GABRB1: variants seen among roughly 807,000 people sequenced by gnomAD.
GABRB1 encodes gamma-aminobutyric acid type A receptor subunit beta1.
Under a neutral mutation model 51.6 loss-of-function variants are expected in GABRB1, and 17 were observed. That is an observed-to-expected ratio of 0.33 (90% confidence interval 0.23 to 0.49). GABRB1 has a LOEUF of 0.49. Ranked by LOEUF, GABRB1 falls within the 20% of genes least tolerant of loss-of-function variation. The probability of loss-of-function intolerance (pLI) is 0.99; values close to 1 mark genes in which losing one functional copy is unlikely to be tolerated. For missense variants in GABRB1, 410 were observed against 600.6 expected, an observed-to-expected ratio of 0.68 and a Z score of 3.32; for synonymous variants, 247 against 218.9, an observed-to-expected ratio of 1.13 and a Z score of -1.14.
chr4:47,296,609 CA>C (rs1429026740), intron 4 of GABRB1, among the ~76,000 whole-genome samples: 1 of 152,322 alleles, frequency 6.6e-6, no homozygotes, highest in Non-Finnish European at 1.5e-5. Flanking sequence ...ATTCATAAAG[CA>C]AGTCCTTAGA....
intron 3 of GABRB1, among the ~76,000 whole-genome samples, chr4:47,042,230 T>C (rs1162147480): frequency 1.3e-5 from 2 of 151,336 alleles, no homozygotes; most frequent in Admixed American, 1.3e-4. Context: ...AAATTAATAG[T>C]TTCTTTATCA....
chr4:47,039,752 C>T (rs2109485071), intron 3 of GABRB1, among the ~76,000 whole-genome samples: 1 of 152,250 alleles, frequency 6.6e-6, no homozygotes, highest in South Asian at 2.1e-4. Context: ...GGCATATGCA[C>T]TGGGAGGTGT....
At chr4:47,055,104 A>G (rs535463303) in intron 3 of GABRB1, among the ~76,000 whole-genome samples, 1 of 152,340 alleles carries the variant, frequency 6.6e-6, no homozygotes, top group South Asian at 2.1e-4. Flanking sequence ...TTCAGTTTCT[A>G]AAACTCATAA....
chr4:47,043,809 C>T (rs1172375829), intron 3 of GABRB1, among the ~76,000 whole-genome samples: 1 of 152,050 alleles, frequency 6.6e-6, no homozygotes, highest in East Asian at 1.9e-4. Flanking sequence ...ATTATTAGAA[C>T]TTGATGTATT....
chr4:47,079,114 A>G (rs1468660555), intron 3 of GABRB1, among the ~76,000 whole-genome samples: 1 of 152,168 alleles, frequency 6.6e-6, no homozygotes, highest in Non-Finnish European at 1.5e-5. Context: ...TATCAGGATG[A>G]TGCTGGCCTC....
chr4:47,165,942 C>A (rs1489910038), intron 4 of GABRB1, among the ~76,000 whole-genome samples: 1 of 152,078 alleles, frequency 6.6e-6, no homozygotes, highest in Non-Finnish European at 1.5e-5. Context: ...GAGACTTAAT[C>A]TGTTGCTTCA....
At chr4:47,142,714 G>A (rs1288240668) in intron 3 of GABRB1, among the ~76,000 whole-genome samples, 1 of 151,760 alleles carries the variant, frequency 6.6e-6, no homozygotes, top group Non-Finnish European at 1.5e-5. Flanking sequence ...ATTGAATTTA[G>A]AAGTAATAAA....
Position 47,056,328 on chromosome 4 carries a change from G to A in GABRB1, c.240+23844G>A, listed in dbSNP as rs76504217. ...CCACCCTCTCCGACCCAGCTTAGAA[G>A]GCATTTGTTCAATATCACTGCTTTT... On this transcript the variant is annotated intron_variant, in intron 3 of 8. Transcript: ENST00000295454. Among the ~76,000 whole-genome samples, 149 of 152,218 alleles carry A rather than the reference G, an allele frequency of 9.8e-4. 1 individual carries two copies. The East Asian group carries it at 0.011, about 11-fold the overall frequency.
At chr4:47,354,661 A>G (rs1726483848) in intron 5 of GABRB1, among the ~76,000 whole-genome samples, 1 of 152,062 alleles carries the variant, frequency 6.6e-6, no homozygotes, top group Non-Finnish European at 1.5e-5. Flanking sequence ...ATTAAGGTGG[A>G]TCCTTCCCCC....
chr4:47,353,790 G>C (rs1726451503), intron 5 of GABRB1, among the ~76,000 whole-genome samples: 1 of 152,102 alleles, frequency 6.6e-6, no homozygotes, highest in Non-Finnish European at 1.5e-5. Flanking sequence ...ATAACCAGTA[G>C]TAACCGAGTT....
At chr4:46,998,916 A>G (rs1724091438) in intron 1 of GABRB1, among the ~76,000 whole-genome samples, 1 of 152,082 alleles carries the variant, frequency 6.6e-6, no homozygotes, top group Non-Finnish European at 1.5e-5. Flanking sequence ...GTGCTACTCC[A>G]AAGAGCAGTG....
At chr4:47,170,135 G>C (rs1458351779) in intron 4 of GABRB1, among the ~76,000 whole-genome samples, 4 of 152,088 alleles carry the variant, frequency 2.6e-5, no homozygotes, top group Admixed American at 1.3e-4. Context: ...GTGACCTGAT[G>C]AGGATTTTGA....
intron 3 of GABRB1, among the ~76,000 whole-genome samples, chr4:47,140,264 A>G (rs866763225): frequency 6.6e-6 from 1 of 152,024 alleles, no homozygotes; most frequent in African/African-American, 2.4e-5. Context: ...TTTTTCATAC[A>G]TAATTTCTCA....
At chr4:47,077,842 T>A (rs1472810076) in intron 3 of GABRB1, among the ~76,000 whole-genome samples, 6 of 141,708 alleles carry the variant, frequency 4.2e-5, no homozygotes, top group Non-Finnish European at 9.1e-5. Flanking sequence ...ATTATATATT[T>A]TATATATATT....
At chr4:47,136,125 G>T (rs1199278966) in intron 3 of GABRB1, among the ~76,000 whole-genome samples, 2 of 152,032 alleles carry the variant, frequency 1.3e-5, no homozygotes, top group East Asian at 3.9e-4. Flanking sequence ...AGAGTAGCTG[G>T]GACCACAGGC....
At chr4:47,216,755 T>C (rs534244836) in intron 4 of GABRB1, among the ~76,000 whole-genome samples, 28 of 152,068 alleles carry the variant, frequency 1.8e-4, no homozygotes, top group African/African-American at 6.5e-4. Context: ...CAATAAGATC[T>C]TGCATGCATA....
intron 5 of GABRB1, among the ~76,000 whole-genome samples, chr4:47,361,211 G>C (rs1026580908): frequency 1.3e-5 from 2 of 152,082 alleles, no homozygotes; most frequent in Non-Finnish European, 2.9e-5. Context: ...AGGAGGTCAA[G>C]GAAACCGCAA....
At chr4:47,253,119 G>A (rs1177313998) in intron 4 of GABRB1, among the ~76,000 whole-genome samples, 1 of 152,178 alleles carries the variant, frequency 6.6e-6, no homozygotes, top group African/African-American at 2.4e-5. Context: ...CTGGGAAGTA[G>A]AAACCCATGA....
rs539437489 is a variant in GABRB1 at position 47,002,940 on chromosome 4, A to G, written c.-20+9014A>G. The stretch of plus-strand genomic sequence containing the variant: ...TTGAAAATGCATGAAGATAAATATC[A>G]GAGAAGGATTTGGGACTTTGCCATA... On this transcript the variant is annotated intron_variant, in intron 1 of 3. Transcript: ENST00000513567. Among the ~76,000 whole-genome samples, 4 of 152,366 alleles carry G rather than the reference A, an allele frequency of 2.6e-5. No individual in the cohort carries two copies. The East Asian group carries it at 5.8e-4, about 22-fold the overall frequency.
Sources: allele counts gnomAD v4.1 joint callset (sites outside exome capture counted in the v4.1 genomes callset), GRCh38; gene constraint gnomAD v4.1.1; transcripts MANE v1.5; gene names NCBI Gene and HGNC (gene_info 2026-07-23, HGNC 2026-07-21).